HDAC9: variants seen among roughly 807,000 people sequenced by gnomAD.
HDAC9 encodes the protein histone deacetylase 9, also known as MEF-2 interacting transcription repressor (MITR) protein.
Under a neutral mutation model 139.4 loss-of-function variants are expected in HDAC9, and 41 were observed. The ratio of observed to expected loss-of-function variants is 0.29; its 90% CI spans 0.23 to 0.38. HDAC9 has a LOEUF of 0.38. Ranked by LOEUF, HDAC9 falls within the 10% of genes least tolerant of loss-of-function variation. The pLI is 1.00. For synonymous variants in HDAC9, 517 were observed against 476.2 expected (o/e 1.09, Z -1.12); for missense variants, 1,147 against 1,297.0 (o/e 0.88, Z 1.78).
intron 6 of HDAC9, among the ~76,000 whole-genome samples, 160 bp downstream of exon 6, chr7:18,594,189 A>C: frequency 6.6e-6 from 1 of 151,996 alleles, no homozygotes; most frequent in East Asian, 1.9e-4. Flanking sequence ...CACATACCCT[A>C]CTTATTTCTG....
chr7:18,257,663 C>G (rs982283667), intron 2 of HDAC9, among the ~76,000 whole-genome samples: 2 of 152,066 alleles, frequency 1.3e-5, no homozygotes, highest in Non-Finnish European at 2.9e-5. Flanking sequence ...TTCCTAATAC[C>G]AACTCTAGGC....
At chr7:18,923,602 C>G (rs897915599) in intron 22 of HDAC9, among the ~76,000 whole-genome samples, 3 of 152,002 alleles carry the variant, frequency 2.0e-5, no homozygotes, top group African/African-American at 7.2e-5. Flanking sequence ...TTTCAGATAC[C>G]TTAAGTGTCT....
At chr7:18,468,693 C>T (rs1177089466) in intron 1 of HDAC9, among the ~76,000 whole-genome samples, 2 of 152,092 alleles carry the variant, frequency 1.3e-5, no homozygotes, top group African/African-American at 2.4e-5. Flanking sequence ...TAGTGAGAAG[C>T]CTGGCACCTG....
chr7:18,323,782 CTGTT>C (rs1800220986), intron 1 of HDAC9, among the ~76,000 whole-genome samples: 1 of 152,032 alleles, frequency 6.6e-6, no homozygotes, highest in African/African-American at 2.4e-5. Flanking sequence ...GTGTCTTAGT[CTGTT>C]TGGGCTGCTG....
chr7:18,644,691 C>A lies in HDAC9; in HGVS notation c.933C>A (p.Arg311=), dbSNP rs377424704. 2 of 1,610,996 alleles carry A rather than the reference C, an allele frequency of 1.2e-6. No individual in the cohort carries two copies. Among genetic ancestry groups the A allele is most frequent in the African/African-American group, 2.7e-5 (2 of 74,758 alleles). ...AACAGCAAATGGTTTCACAGCAACGCATTCTAATTCATGAAGATTCCATGA... is the reference window on the plus strand; with the variant it reads ...AACAGCAAATGGTTTCACAGCAACGAATTCTAATTCATGAAGATTCCATGA... ...PHAEQMVSQQ[R]ILIHEDSMNL... The change falls in exon 9 of 26, where the codon CGC becomes CGA. Residue 311 remains arginine (R), a synonymous_variant. Transcript: ENST00000686413.
chr7:18,141,931 T>C (rs1350382807), intron 1 of HDAC9, among the ~76,000 whole-genome samples: 1 of 152,156 alleles, frequency 6.6e-6, no homozygotes, highest in Non-Finnish European at 1.5e-5. Context: ...AGGAGGCAAA[T>C]ATTGGATTGG....
intron 12 of HDAC9, among the ~76,000 whole-genome samples, chr7:18,705,073 C>A (rs80025489): frequency 2.0e-5 from 3 of 151,886 alleles, no homozygotes; most frequent in Admixed American, 1.3e-4. Context: ...ATTAAATATG[C>A]GTTCCTGTGT....
Position 18,600,393 on chromosome 7 carries a change from T to C in HDAC9, c.664+6364T>C, listed in dbSNP as rs543206334. Among the ~76,000 whole-genome samples, 13 of 152,354 alleles carry C rather than the reference T, an allele frequency of 8.5e-5. No homozygotes were observed. In the East Asian group the frequency reaches 1.5e-3, roughly 18 times the overall value. ...ACCCAGCGTTAACTAGATTTTCTCC[T>C]GTTTTCTTCTAGAAGTTTTACAATA... On this transcript the variant is annotated intron_variant, in intron 6 of 25. Coordinates refer to ENST00000686413, the MANE Select transcript of HDAC9 (RefSeq NM_178425.4).
intron 1 of HDAC9, among the ~76,000 whole-genome samples, chr7:18,351,809 G>A (rs1288939119): frequency 6.6e-6 from 1 of 152,158 alleles, no homozygotes; most frequent in Non-Finnish European, 1.5e-5. Context: ...ACTTTTAAAA[G>A]ATGTGTTTTG....
intron 21 of HDAC9, among the ~76,000 whole-genome samples, chr7:18,870,137 G>C (rs1365340323): frequency 6.6e-6 from 1 of 152,042 alleles, no homozygotes; most frequent in African/African-American, 2.4e-5. Context: ...TCATAGTATA[G>C]TTATCAAAAT....
At chr7:18,137,973 C>G (rs1289153112) in intron 1 of HDAC9, among the ~76,000 whole-genome samples, 4 of 151,784 alleles carry the variant, frequency 2.6e-5, no homozygotes, top group Non-Finnish European at 5.9e-5. Flanking sequence ...ATTATTGCCA[C>G]AATTTCAGAT....
intron 2 of HDAC9, among the ~76,000 whole-genome samples, chr7:18,280,393 G>T (rs1797023869): frequency 1.3e-5 from 2 of 152,112 alleles, no homozygotes; most frequent in African/African-American, 4.8e-5. Flanking sequence ...TTCGAGAACA[G>T]CCTGACCAAC....
intron 2 of HDAC9, among the ~76,000 whole-genome samples, chr7:18,497,656 G>T (rs569963535): frequency 6.6e-6 from 1 of 152,118 alleles, no homozygotes; most frequent in East Asian, 1.9e-4. Context: ...CAAGGGCTCC[G>T]GGAGGGTTTA....
intron 1 of HDAC9, among the ~76,000 whole-genome samples, chr7:18,390,170 C>T (rs1015822062): frequency 2.0e-5 from 3 of 150,840 alleles, no homozygotes; most frequent in African/African-American, 7.3e-5. Context: ...AAGGTTTGAC[C>T]GTGATTTTCT....
At chr7:18,456,511 A>G (rs2128106501) in intron 1 of HDAC9, among the ~76,000 whole-genome samples, 1 of 152,294 alleles carries the variant, frequency 6.6e-6, no homozygotes, top group East Asian at 1.9e-4. Context: ...CTGGGATTAC[A>G]GGTGGTAGCA....
intron 1 of HDAC9, among the ~76,000 whole-genome samples, chr7:18,365,959 T>C (rs1025490879): frequency 6.6e-6 from 1 of 151,746 alleles, no homozygotes; most frequent in Non-Finnish European, 1.5e-5. Flanking sequence ...GTTGTTTTTT[T>C]TTTTCTGTCA....
intron 2 of HDAC9, among the ~76,000 whole-genome samples, chr7:18,180,123 A>T (rs1189698445): frequency 6.6e-6 from 1 of 151,152 alleles, no homozygotes; most frequent in Non-Finnish European, 1.5e-5. Flanking sequence ...ACTTTATCCT[A>T]CCCCCAGTAG....
intron 21 of HDAC9, among the ~76,000 whole-genome samples, chr7:18,841,467 C>T (rs1585135313): frequency 1.3e-5 from 2 of 151,904 alleles, no homozygotes; most frequent in Admixed American, 6.6e-5. Flanking sequence ...TTTTAAAAAG[C>T]TTTTCAAGTC....
At chr7:18,734,400 C>T (rs1340547259) in intron 13 of HDAC9, among the ~76,000 whole-genome samples, 1 of 152,126 alleles carries the variant, frequency 6.6e-6, no homozygotes, top group East Asian at 1.9e-4. Context: ...TCTAGACAGG[C>T]CCTGGTGTGT....
Sources: gnomAD v4.1 joint callset for allele counts (sites outside exome capture counted in the v4.1 genomes callset) on GRCh38, gnomAD v4.1.1 for gene constraint, MANE v1.5 for transcripts, NCBI Gene and HGNC (gene_info 2026-07-23, HGNC 2026-07-21) for gene names.